The following CNTN4 variants were observed in gnomAD, a reference collection of about 807,000 sequenced individuals.
CNTN4 encodes contactin 4, also known as contactin-4.
A neutral mutation model predicts 122.5 loss-of-function variants in CNTN4; 77 were observed. That is an observed-to-expected ratio of 0.63 (90% CI 0.52 to 0.76). CNTN4 has a LOEUF of 0.76. Among genes scored for constraint, CNTN4 ranks in the 30% least tolerant of loss-of-function variants. The probability of loss-of-function intolerance (pLI) is 0.00; values close to 1 mark genes in which losing one functional copy is unlikely to be tolerated. For missense variants in CNTN4, 1,256 were observed against 1,259.1 expected (o/e 1.00, Z 0.04); for synonymous variants, 512 against 447.0 (o/e 1.15, Z -1.83).
Position 2,157,378 on chromosome 3 carries a change from C to T in CNTN4, c.-145+56739C>T, listed in dbSNP as rs570995488. On this transcript the variant is annotated intron_variant, in intron 2 of 24. Coordinates refer to ENST00000418658, the MANE Select transcript of CNTN4 (RefSeq NM_175607.3). ...GGGAAGTCCAGTGTACATGTGTTTACGGGGTTAGTGAGAAGAGAGTTGGCA... is the reference window on the plus strand; with the variant it reads ...GGGAAGTCCAGTGTACATGTGTTTATGGGGTTAGTGAGAAGAGAGTTGGCA... 6.4e-4 allele frequency among the ~76,000 whole-genome samples: 97 copies of T among 151,920 alleles called. 1 individual carries two copies. Among genetic ancestry groups the T allele is most frequent in the Admixed American group, 1.7e-3 (26 of 15,260 alleles).
chr3:2,364,262 T>G (rs1178410379), intron 3 of CNTN4, among the ~76,000 whole-genome samples: 6 of 152,202 alleles, frequency 3.9e-5, no homozygotes, highest in African/African-American at 1.4e-4. Context: ...ATAATATTTA[T>G]CTCAGAGTTG....
At chr3:2,680,591 G>T (rs2085112800) in intron 4 of CNTN4, among the ~76,000 whole-genome samples, 2 of 152,018 alleles carry the variant, frequency 1.3e-5, no homozygotes. Flanking sequence ...GTTTCTCACA[G>T]CATATTTGAC....
intron 3 of CNTN4, among the ~76,000 whole-genome samples, chr3:2,339,683 T>C (rs1025092820): frequency 2.6e-5 from 4 of 152,160 alleles, no homozygotes; most frequent in African/African-American, 7.2e-5. Flanking sequence ...ACATGAGAAA[T>C]GTAACTCACT....
chr3:2,572,261 C>T (rs967885344), intron 4 of CNTN4, among the ~76,000 whole-genome samples: 17 of 152,140 alleles, frequency 1.1e-4, no homozygotes, highest in African/African-American at 3.6e-4. Flanking sequence ...TGGTGCATGC[C>T]TGTAATCCCA....
intron 8 of CNTN4, among the ~76,000 whole-genome samples, chr3:2,869,485 A>G (rs1263526915): frequency 2.6e-5 from 4 of 152,216 alleles, no homozygotes; most frequent in Non-Finnish European, 5.9e-5. Context: ...GTGTATGGGA[A>G]TGCCCTTTAC....
At chr3:2,759,237 C>G (rs542567597) in intron 6 of CNTN4, among the ~76,000 whole-genome samples, 1 of 152,218 alleles carries the variant, frequency 6.6e-6, no homozygotes, top group South Asian at 2.1e-4. Flanking sequence ...CTCACTGCAA[C>G]CTCTGCCTCC....
At chr3:2,763,594 C>T (rs2090699369) in intron 6 of CNTN4, among the ~76,000 whole-genome samples, 1 of 152,112 alleles carries the variant, frequency 6.6e-6, no homozygotes, top group Admixed American at 6.5e-5. Context: ...CAGGTGTTGT[C>T]TTCCAGAATT....
intron 3 of CNTN4, among the ~76,000 whole-genome samples, chr3:2,448,841 A>T (rs562588882): frequency 6.6e-6 from 1 of 152,308 alleles, no homozygotes; most frequent in African/African-American, 2.4e-5. Flanking sequence ...TAGGCAGATT[A>T]AGTAAAAATG....
chr3:3,054,072 C>T lies in CNTN4; in HGVS notation c.2980+97C>T, dbSNP rs1372644383. 3.1e-6 allele frequency: 4 copies of T among 1,282,214 alleles called. No homozygotes were observed. In the African/African-American group the frequency reaches 4.4e-5, roughly 14 times the overall value. The allele number at this position is 1,282,214 out of a possible 1,614,324, so 79.4% of individuals were successfully genotyped here. A position where few individuals can be genotyped will look rare whatever the true frequency, so the allele number is the denominator to read the frequency against. ...TTGAAAGACATTCAGCCTGCAAAAG[C>T]AGACTTAAAATAGAAATGGAGAACA... On this transcript the variant is annotated intron_variant, in intron 24 of 24. Coordinates refer to ENST00000418658, the MANE Select transcript of CNTN4 (RefSeq NM_175607.3).
At chr3:2,407,499 C>G (rs1265615399) in intron 3 of CNTN4, among the ~76,000 whole-genome samples, 5 of 151,964 alleles carry the variant, frequency 3.3e-5, no homozygotes, top group African/African-American at 7.3e-5. Context: ...GGAAAAATGC[C>G]TCAAAACATA....
chr3:2,911,991 T>G (rs2094305071), intron 12 of CNTN4, among the ~76,000 whole-genome samples: 1 of 151,796 alleles, frequency 6.6e-6, no homozygotes, highest in South Asian at 2.1e-4. Context: ...TTGCAGACAA[T>G]AAAGAGAGAA....
intron 2 of CNTN4, among the ~76,000 whole-genome samples, chr3:2,222,454 G>A (rs1331881963): frequency 6.6e-6 from 1 of 152,072 alleles, no homozygotes; most frequent in African/African-American, 2.4e-5. Context: ...GCTGATTTTT[G>A]TGAAGATGAA....
At chr3:2,777,071 C>G (rs1201113100) in intron 6 of CNTN4, among the ~76,000 whole-genome samples, 1 of 152,164 alleles carries the variant, frequency 6.6e-6, no homozygotes, top group Non-Finnish European at 1.5e-5. Context: ...ACCTCTGCCT[C>G]CCAGGTTCAG....
chr3:2,286,846 T>TA (rs1280058931), intron 2 of CNTN4, among the ~76,000 whole-genome samples: 2 of 152,086 alleles, frequency 1.3e-5, no homozygotes, highest in East Asian at 1.9e-4. Context: ...AAACCAGGGA[T>TA]AAAAAAAGCC....
At chr3:2,708,129 A>T (rs1008579777) in intron 4 of CNTN4, among the ~76,000 whole-genome samples, 1 of 152,172 alleles carries the variant, frequency 6.6e-6, no homozygotes, top group African/African-American at 2.4e-5. Flanking sequence ...CATTATCTTT[A>T]AGATTGGCCT....
chr3:2,171,233 C>T lies in CNTN4; in HGVS notation c.-145+70594C>T, dbSNP rs1429682763. Among the ~76,000 whole-genome samples, 3 of 152,078 alleles carry T rather than the reference C, an allele frequency of 2.0e-5. 1 individual carries two copies. Among genetic ancestry groups the T allele is most frequent in the Admixed American group, 6.6e-5 (1 of 15,264 alleles). Reference sequence around the variant, plus strand: ...GACAGATAAATAAAAATGATTTGCTCTTACCAAAAATGTTAAAATAACTTT... The same window carrying T: ...GACAGATAAATAAAAATGATTTGCTTTTACCAAAAATGTTAAAATAACTTT... On this transcript the variant is annotated intron_variant, in intron 2 of 24. Coordinates refer to ENST00000418658, the MANE Select transcript of CNTN4 (RefSeq NM_175607.3).
intron 3 of CNTN4, among the ~76,000 whole-genome samples, chr3:2,471,350 T>C (rs1462201098): frequency 1.3e-5 from 2 of 152,170 alleles, no homozygotes; most frequent in Admixed American, 1.3e-4. Flanking sequence ...ACAGATGTAT[T>C]TGGAAAAAAA....
At chr3:2,130,898 G>A (rs1207852923) in intron 2 of CNTN4, among the ~76,000 whole-genome samples, 2 of 152,174 alleles carry the variant, frequency 1.3e-5, no homozygotes, top group Non-Finnish European at 2.9e-5. Flanking sequence ...CAAGCATGTT[G>A]ACATTTCTTA....
At chr3:2,122,869 T>C (rs2125223042) in intron 2 of CNTN4, among the ~76,000 whole-genome samples, 1 of 152,340 alleles carries the variant, frequency 6.6e-6, no homozygotes, top group South Asian at 2.1e-4. Context: ...TTAGACATTC[T>C]TGTGCAAGGT....
Sources: allele counts gnomAD v4.1 joint callset (sites outside exome capture counted in the v4.1 genomes callset), GRCh38; gene constraint gnomAD v4.1.1; transcripts MANE v1.5; gene names NCBI Gene and HGNC (gene_info 2026-07-23, HGNC 2026-07-21).